The following TMEM232 variants were observed in gnomAD, a reference collection of about 807,000 sequenced individuals.
TMEM232 encodes the protein transmembrane protein 232.
TMEM232 carries 80 observed loss-of-function variants against 78.8 expected under a neutral mutation model. That is an observed-to-expected ratio of 1.01 (90% CI 0.85 to 1.22). TMEM232 has a LOEUF of 1.22. TMEM232 is among the 50% of genes most tolerant of loss of function. TMEM232 has a pLI of 0.00. For synonymous variants in TMEM232, 297 were observed against 254.3 expected (o/e 1.17, Z -1.60); for missense variants, 881 against 742.2 (o/e 1.19, Z -2.17).
chr5:110,661,579 T>C (rs1356008276), intron 2 of TMEM232, among the ~76,000 whole-genome samples: 1 of 152,184 alleles, frequency 6.6e-6, no homozygotes, highest in Non-Finnish European at 1.5e-5. Context: ...CCCAAAATGC[T>C]GGGATAACAG....
chr5:110,529,824 G>C (rs960844817), intron 11 of TMEM232, among the ~76,000 whole-genome samples: 2 of 152,104 alleles, frequency 1.3e-5, no homozygotes, highest in African/African-American at 4.8e-5. Context: ...TCTCTGGCAG[G>C]AATCAGCAAT....
intron 12 of TMEM232, among the ~76,000 whole-genome samples, chr5:110,467,766 C>G (rs1467820940): frequency 6.6e-6 from 1 of 152,170 alleles, no homozygotes; most frequent in Non-Finnish European, 1.5e-5. Flanking sequence ...TATTTTCACA[C>G]AGTTCTGGAA....
chr5:110,564,225 GA>G (rs1005494145), intron 11 of TMEM232, among the ~76,000 whole-genome samples: 9 of 151,516 alleles, frequency 5.9e-5, no homozygotes, highest in Admixed American at 2.6e-4. Context: ...TTCAATGACA[GA>G]AAAAAATATG....
chr5:110,498,724 G>C (rs1192623906), intron 12 of TMEM232, among the ~76,000 whole-genome samples: 1 of 152,128 alleles, frequency 6.6e-6, no homozygotes, highest in East Asian at 1.9e-4. Context: ...TATTGCTTTA[G>C]GTGTCAGAGA....
chr5:110,599,007 A>G (rs1458388044), intron 10 of TMEM232, among the ~76,000 whole-genome samples: 1 of 152,012 alleles, frequency 6.6e-6, no homozygotes, highest in African/African-American at 2.4e-5. Context: ...AACTTAAAGT[A>G]TAATAATAAT....
intron 12 of TMEM232, among the ~76,000 whole-genome samples, chr5:110,480,141 A>C (rs1763703775): frequency 6.6e-6 from 1 of 151,864 alleles, no homozygotes; most frequent in South Asian, 2.1e-4. Context: ...TAAAAAGGGA[A>C]AGCTAATGTT....
intron 12 of TMEM232, among the ~76,000 whole-genome samples, chr5:110,469,978 C>T (rs1762494845): frequency 6.6e-6 from 1 of 152,060 alleles, no homozygotes; most frequent in Admixed American, 6.5e-5. Flanking sequence ...GCTCCCTGCC[C>T]CCCCGGAACC....
intron 12 of TMEM232, among the ~76,000 whole-genome samples, chr5:110,516,465 C>G (rs944195196): frequency 4.6e-5 from 7 of 151,936 alleles, no homozygotes; most frequent in East Asian, 1.9e-4. Flanking sequence ...AAATTCTCAG[C>G]CTTAAGGTAA....
At chr5:110,475,445 A>ATTTTTTT (rs61667699) in intron 12 of TMEM232, among the ~76,000 whole-genome samples, 2 of 110,124 alleles carry the variant, frequency 1.8e-5, no homozygotes, top group East Asian at 2.9e-4. Flanking sequence ...TTATACTTTG[A>ATTTTTTT]TTTTTTTTTT....
At chr5:110,546,179 G>T (rs1418168486) in intron 11 of TMEM232, among the ~76,000 whole-genome samples, 1 of 151,938 alleles carries the variant, frequency 6.6e-6, no homozygotes, top group Non-Finnish European at 1.5e-5. Flanking sequence ...TATAATAAGA[G>T]TTACAGATGA....
intron 12 of TMEM232, among the ~76,000 whole-genome samples, chr5:110,452,291 G>C (rs2149337777): frequency 6.6e-6 from 1 of 152,230 alleles, no homozygotes; most frequent in South Asian, 2.1e-4. Context: ...TACGATTTTT[G>C]TCTACCTGGT....
intron 8 of TMEM232, among the ~76,000 whole-genome samples, chr5:110,617,002 T>G (rs1056261175): frequency 6.6e-6 from 1 of 152,202 alleles, no homozygotes; most frequent in Non-Finnish European, 1.5e-5. Context: ...TTATTCACAA[T>G]AGCCAAGATG....
chr5:110,473,890 CAAAA>C lies in TMEM232; in HGVS notation c.1704-48978_1704-48975del, dbSNP rs61351197. On this transcript the variant is annotated intron_variant, in intron 12 of 13. Coordinates refer to ENST00000455884, the MANE Select transcript of TMEM232 (RefSeq NM_001039763.4). ...CTGTTAAGTGAAATAAGCCAGACACCAAAAAAAAAAAAAAAAAAAAAAAAAAAAC... is the reference window on the plus strand; with the variant it reads ...CTGTTAAGTGAAATAAGCCAGACACCAAAAAAAAAAAAAAAAAAAAAAAAC... Among the ~76,000 whole-genome samples the C allele has an allele frequency of 9.6e-3, 136 of 14,222 alleles. 2 individuals are homozygous for C. The highest frequency in any genetic ancestry group is 0.029 in the African/African-American group (118 of 4,126). The allele number at this position is 14,222 out of a possible 152,430, so 9.3% of individuals were successfully genotyped here. A position where few individuals can be genotyped will look rare whatever the true frequency, so the allele number is the denominator to read the frequency against.
At chr5:110,714,961 G>A (rs1796870147) in intron 1 of TMEM232, among the ~76,000 whole-genome samples, 1 of 152,104 alleles carries the variant, frequency 6.6e-6, no homozygotes, top group Admixed American at 6.6e-5. Flanking sequence ...ATCACATTCT[G>A]TAAAAGTATG....
At chr5:110,718,415 T>A (rs1797241280) in intron 1 of TMEM232, among the ~76,000 whole-genome samples, 1 of 152,130 alleles carries the variant, frequency 6.6e-6, no homozygotes, top group African/African-American at 2.4e-5. Context: ...GTTAATCTTA[T>A]TTATGTTCTT....
intron 2 of TMEM232, among the ~76,000 whole-genome samples, chr5:110,649,666 A>G (rs1434121711): frequency 6.6e-6 from 1 of 152,172 alleles, no homozygotes; most frequent in Non-Finnish European, 1.5e-5. Flanking sequence ...CTTATGGTTT[A>G]AAGTTTGTGT....
chr5:110,496,866 A>G (rs1341397175), intron 12 of TMEM232, among the ~76,000 whole-genome samples: 4 of 152,104 alleles, frequency 2.6e-5, no homozygotes, highest in Non-Finnish European at 5.9e-5. Context: ...CACTAAGAAG[A>G]GAGAACACAG....
At chr5:110,632,167 G>A (rs540286955) in intron 5 of TMEM232, among the ~76,000 whole-genome samples, 4 of 151,768 alleles carry the variant, frequency 2.6e-5, no homozygotes, top group South Asian at 4.2e-4. Context: ...AATCATACAG[G>A]GACTGCACTA....
At chr5:110,490,566 A>G (rs1362331050) in intron 12 of TMEM232, among the ~76,000 whole-genome samples, 1 of 152,132 alleles carries the variant, frequency 6.6e-6, no homozygotes, top group Non-Finnish European at 1.5e-5. Context: ...CAGTCTTTAA[A>G]AAGAATAATA....
Sources: gnomAD v4.1 joint callset for allele counts (sites outside exome capture counted in the v4.1 genomes callset) on GRCh38, gnomAD v4.1.1 for gene constraint, MANE v1.5 for transcripts, NCBI Gene and HGNC (gene_info 2026-07-23, HGNC 2026-07-21) for gene names.